VWA5B1: variants seen among roughly 807,000 people sequenced by gnomAD.
VWA5B1 encodes the protein von Willebrand factor A domain containing 5B1.
In VWA5B1, 115 loss-of-function variants were observed where a neutral mutation model predicts 118.2. The ratio of observed to expected loss-of-function variants is 0.97; its 90% confidence interval spans 0.84 to 1.14. VWA5B1 has a LOEUF of 1.14. VWA5B1 is among the 50% of genes most tolerant of loss of function. VWA5B1 has a pLI of 0.00. For missense variants in VWA5B1, 1,596 were observed against 1,603.8 expected (o/e 1.00, Z 0.08); for synonymous variants, 682 against 658.4 (o/e 1.04, Z -0.55).
At chr1:20,332,089 CT>C (rs1360906958) in intron 11 of VWA5B1, among the ~76,000 whole-genome samples, 2 of 152,150 alleles carry the variant, frequency 1.3e-5, no homozygotes, top group African/African-American at 4.8e-5. Flanking sequence ...AATAAATTTG[CT>C]CAAGATCATC....
intron 1 of VWA5B1, among the ~76,000 whole-genome samples, chr1:20,294,633 C>G (rs2088370804): frequency 6.6e-6 from 1 of 152,188 alleles, no homozygotes; most frequent in African/African-American, 2.4e-5. Context: ...GCATGCGCCA[C>G]CACGCCAGGC....
intron 1 of VWA5B1, among the ~76,000 whole-genome samples, chr1:20,308,128 T>A (rs894011231): frequency 6.6e-6 from 1 of 151,846 alleles, no homozygotes; most frequent in African/African-American, 2.4e-5. Context: ...GAACATGGGG[T>A]TTTTGGTTTT....
chr1:20,320,169 C>A (rs1446709482), intron 7 of VWA5B1, among the ~76,000 whole-genome samples: 1 of 152,224 alleles, frequency 6.6e-6, no homozygotes, highest in Non-Finnish European at 1.5e-5. Flanking sequence ...CATCTCTTTC[C>A]ATTAGCCCCC....
intron 1 of VWA5B1, among the ~76,000 whole-genome samples, chr1:20,297,905 T>A (rs1452108727): frequency 6.6e-6 from 1 of 150,876 alleles, no homozygotes; most frequent in African/African-American, 2.4e-5. Context: ...AGAGCCCTAA[T>A]TAATTCATGG....
At position 20,317,655 on chromosome 1, in the gene VWA5B1, G is replaced by T; in HGVS notation, c.689G>T (p.Arg230Leu). 1 of 1,551,496 alleles carries T rather than the reference G, an allele frequency of 6.4e-7. No homozygotes were observed. The highest frequency in any genetic ancestry group is 2.0e-5 in the Admixed American group (1 of 50,940). ...EYEFNFQLEIRGPCLLAGVES... is the reference protein window; with the variant it reads ...EYEFNFQLEILGPCLLAGVES... ...GAGTTCAACTTCCAGCTGGAGATCC[G>T]TGGGCCATGTCTGCTCGCAGGTGAG... is the stretch of plus-strand genomic sequence containing the variant. Residue 230 changes from arginine (R) to leucine (L), a missense_variant, in exon 5 of 22, where the codon CGT becomes CTT. By Grantham distance (102) the Arg-to-Leu change is moderately radical (BLOSUM62 -2). Transcript: ENST00000289815.
intron 8 of VWA5B1, among the ~76,000 whole-genome samples, chr1:20,325,034 A>C (rs1306656125): frequency 6.6e-6 from 1 of 152,036 alleles, no homozygotes; most frequent in Non-Finnish European, 1.5e-5. Context: ...AGAAGCATAA[A>C]CCTAAAACAT....
chr1:20,344,540 C>G (rs1047492562), intron 16 of VWA5B1, among the ~76,000 whole-genome samples: 2 of 152,098 alleles, frequency 1.3e-5, no homozygotes, highest in African/African-American at 4.8e-5. Context: ...TGCATTTGTC[C>G]TAAGTGCTAT....
At chr1:20,349,816 GTATTAT>G in intron 18 of VWA5B1, among the ~76,000 whole-genome samples, 1 of 149,144 alleles carries the variant, frequency 6.7e-6, no homozygotes, top group South Asian at 2.1e-4. Context: ...CACTATCTGC[GTATTAT>G]CTCATTTCAT....
At chr1:20,294,869 G>A (rs1014296214) in intron 1 of VWA5B1, among the ~76,000 whole-genome samples, 1 of 152,236 alleles carries the variant, frequency 6.6e-6, no homozygotes, top group Non-Finnish European at 1.5e-5. Context: ...AATTACAGGC[G>A]TGAGCCACCA....
At chr1:20,318,353 C>T in intron 5 of VWA5B1, 1 of 590,658 alleles carries the variant, frequency 1.7e-6, no homozygotes, top group South Asian at 1.9e-5. Context: ...ACTCCTCCGA[C>T]CCCCACTAGA....
At position 20,332,764 on chromosome 1, in the gene VWA5B1, A is replaced by T; in HGVS notation, c.1573-2A>T. On this transcript the variant is annotated splice_acceptor_variant, in intron 11 of 21. Transcript: ENST00000289815. LOFTEE classifies it high-confidence loss of function. ...CAACTGCATTCTGACCCTGCCCTAC[A>T]GATGGTCAAATCCTTGAAGAAGGCC... 1 of 1,551,494 alleles carries T rather than the reference A, an allele frequency of 6.4e-7. No homozygotes were observed.
intron 6 of VWA5B1, 39 bp from the exon 7 acceptor site, chr1:20,319,343 T>C (rs532502065): frequency 5.7e-5 from 88 of 1,547,810 alleles, no homozygotes; most frequent in Non-Finnish European, 7.4e-5. Context: ...TCTCCTACGA[T>C]ACCTGGCCAA....
At chr1:20,302,765 A>G (rs2088533992) in intron 1 of VWA5B1, among the ~76,000 whole-genome samples, 1 of 152,102 alleles carries the variant, frequency 6.6e-6, no homozygotes, top group Non-Finnish European at 1.5e-5. Context: ...AGGTGGTGGC[A>G]TTGAAGCTGG....
chr1:20,330,798 C>G (rs111656947), intron 10 of VWA5B1, 71 bp from the exon 11 acceptor site: 12 of 1,423,226 alleles, frequency 8.4e-6, no homozygotes, highest in Non-Finnish European at 1.2e-5. Context: ...ATGCTCTGTC[C>G]CTTTCTGCAT....
intron 18 of VWA5B1, 135 bp downstream of exon 18, chr1:20,348,493 G>A: frequency 1.1e-6 from 1 of 906,282 alleles, no homozygotes. Flanking sequence ...CAGGCCCAAG[G>A]CAAAGCCAGT....
At chr1:20,311,826 T>C (rs995257802) in intron 2 of VWA5B1, among the ~76,000 whole-genome samples, 4 of 152,160 alleles carry the variant, frequency 2.6e-5, no homozygotes, top group African/African-American at 9.7e-5. Context: ...AGGGAAACTT[T>C]CTTTCCCTTA....
At chr1:20,317,784 C>G (rs192852857) in intron 5 of VWA5B1, 109 bp downstream of exon 5, 2 of 1,351,792 alleles carry the variant, frequency 1.5e-6, no homozygotes, top group African/African-American at 1.5e-5. Context: ...AGATGGCAGA[C>G]CTACTAAAGT....
chr1:20,345,132 A>G (rs1045525377), intron 16 of VWA5B1, among the ~76,000 whole-genome samples: 4 of 152,266 alleles, frequency 2.6e-5, no homozygotes, highest in East Asian at 1.9e-4. Context: ...ATTAAAGTAC[A>G]AAATACAGAC....
At position 20,354,647 on chromosome 1, in the gene VWA5B1, G is replaced by A. The variant is rs2090197756; in HGVS notation, c.*384G>A. The A allele has an allele frequency of 6.0e-5, 15 of 251,136 alleles. No individual in the cohort carries two copies. In the South Asian group the frequency reaches 6.7e-4, roughly 11 times the overall value. The allele number at this position is 251,136 out of a possible 1,614,324, so 15.6% of individuals were successfully genotyped here. A position where few individuals can be genotyped will look rare whatever the true frequency, so the allele number is the denominator to read the frequency against. On this transcript the variant is annotated 3_prime_UTR_variant, in exon 22 of 22. Transcript: ENST00000289815. The stretch of plus-strand genomic sequence containing the variant: ...TGAGCCCTGTCTGGAGGTAGACCAC[G>A]TGGGCACGGAGTGGACACAGCAATG...
Sources: gnomAD v4.1 joint callset for allele counts (sites outside exome capture counted in the v4.1 genomes callset) on GRCh38, gnomAD v4.1.1 for gene constraint, MANE v1.5 for transcripts, NCBI Gene and HGNC (gene_info 2026-07-23, HGNC 2026-07-21) for gene names.